Variants in KDM2B observed in about 807,000 individuals in gnomAD.
KDM2B encodes the protein lysine demethylase 2B.
A neutral mutation model predicts 150.0 loss-of-function variants in KDM2B; 26 were observed. That is an observed-to-expected ratio of 0.17 (90% CI 0.13 to 0.24). The LOEUF (loss-of-function observed/expected upper bound fraction) is 0.24. Among genes scored for constraint, KDM2B ranks in the 10% least tolerant of loss-of-function variants. The probability of loss-of-function intolerance (pLI) is 1.00; values close to 1 mark genes in which losing one functional copy is unlikely to be tolerated. For missense variants in KDM2B, 1,265 were observed against 1,816.9 expected, an observed-to-expected ratio of 0.70 and a Z score of 5.52; for synonymous variants, 734 against 729.5, an observed-to-expected ratio of 1.01 and a Z score of -0.10.
rs564181564 is a variant in KDM2B, at chr12:121,455,638, G to T, written c.1735-2294C>A. On this transcript the variant is annotated intron_variant, in intron 12 of 22. Coordinates refer to ENST00000377071, the MANE Select transcript of KDM2B (RefSeq NM_032590.5). ...GAGGATTGCTTGAGCCCAGGAATTT[G>T]AGGTGGCAGTGAGCTGTGATCATCC... Among the ~76,000 whole-genome samples the T allele has an allele frequency of 1.3e-5, 2 of 152,280 alleles. 1 individual carries two copies. The highest frequency in any genetic ancestry group is 1.3e-4 in the Admixed American group (2 of 15,298).
intron 16 of KDM2B, 97 bp from the exon 17 acceptor site, chr12:121,443,890 A>G: frequency 1.4e-6 from 2 of 1,428,138 alleles, no homozygotes; most frequent in Non-Finnish European, 9.5e-7. Flanking sequence ...TGCTCAGGGC[A>G]GCAAGAGGCC....
rs2137373835 is a variant in KDM2B at position 121,430,654 on chromosome 12, C to T, written c.3830-185G>A. 11 of 601,322 alleles carry T rather than the reference C, an allele frequency of 1.8e-5. No homozygotes were observed. In the South Asian group the frequency reaches 2.0e-4, roughly 11 times the overall value. 37.2% of individuals were successfully genotyped at this position (601,322 alleles called of 1,614,324 possible). Reference sequence around the variant, plus strand: ...CTTCTTCAAACGGGGAAGGGTCTCACCCGCCAGGTATAAAGGTTAATATAT... The same window carrying T: ...CTTCTTCAAACGGGGAAGGGTCTCATCCGCCAGGTATAAAGGTTAATATAT... On this transcript the variant is annotated intron_variant, in intron 22 of 22. Coordinates refer to ENST00000377071, the MANE Select transcript of KDM2B (RefSeq NM_032590.5). The surrounding 1 kb of genome is among the most constrained non-coding windows in gnomAD (Gnocchi z 4.4).
intron 4 of KDM2B, among the ~76,000 whole-genome samples, chr12:121,552,676 TA>T (rs5801436): frequency 2.3e-3 from 309 of 131,800 alleles, no homozygotes; most frequent in Middle Eastern, 4.0e-3. Context: ...CTGTCTTAAT[TA>T]AAAAAAAAAA....
At chr12:121,558,776 A>G (rs1890104928) in intron 4 of KDM2B, among the ~76,000 whole-genome samples, 1 of 151,920 alleles carries the variant, frequency 6.6e-6, no homozygotes, top group African/African-American at 2.4e-5. Flanking sequence ...TTTTTAGTAG[A>G]GATGGGGTTT....
intron 4 of KDM2B, among the ~76,000 whole-genome samples, chr12:121,551,881 T>C (rs567761086): frequency 1.1e-3 from 167 of 152,258 alleles, no homozygotes; most frequent in Middle Eastern, 3.4e-3. Flanking sequence ...TTGCCCAGGC[T>C]GGGAGACCAC....
chr12:121,503,977 G>A (rs917495231), intron 11 of KDM2B, among the ~76,000 whole-genome samples: 1 of 152,226 alleles, frequency 6.6e-6, no homozygotes, highest in Non-Finnish European at 1.5e-5. Flanking sequence ...GCTAAGAGCA[G>A]AAACCAAACT....
At chr12:121,579,630 C>T in intron 1 of KDM2B, 2 of 1,329,766 alleles carry the variant, frequency 1.5e-6, no homozygotes, top group Non-Finnish European at 2.0e-6. Context: ...GCCTCATCTC[C>T]CCACAAGCGC....
intron 4 of KDM2B, among the ~76,000 whole-genome samples, chr12:121,553,972 G>T (rs920203045): frequency 6.6e-6 from 1 of 151,656 alleles, no homozygotes; most frequent in East Asian, 1.9e-4. Context: ...GACAGAGCTG[G>T]AAGGAGCGCT....
At chr12:121,580,548 G>T (rs1229042168) in intron 1 of KDM2B, 2 of 1,199,694 alleles carry the variant, frequency 1.7e-6, no homozygotes. Flanking sequence ...TGCAGGCGGC[G>T]GGCGCATCCC....
At chr12:121,487,836 C>T (rs906304705) in intron 12 of KDM2B, among the ~76,000 whole-genome samples, 2 of 150,532 alleles carry the variant, frequency 1.3e-5, no homozygotes, top group Admixed American at 6.6e-5. Context: ...CCCTGTGGCA[C>T]GGTGTCGCGA....
At chr12:121,566,402 A>G (rs533010852) in intron 4 of KDM2B, among the ~76,000 whole-genome samples, 202 of 152,154 alleles carry the variant, frequency 1.3e-3, no homozygotes, top group Middle Eastern at 3.4e-3. Flanking sequence ...CAGGCAGGTC[A>G]CCTGAGGCCA....
chr12:121,449,625 A>G (rs1876885101), intron 13 of KDM2B, among the ~76,000 whole-genome samples: 1 of 152,180 alleles, frequency 6.6e-6, no homozygotes, highest in Non-Finnish European at 1.5e-5. Context: ...AGAGAAAAAG[A>G]CAGTCGCGGG....
At chr12:121,548,725 T>C (rs1311843143) in intron 6 of KDM2B, 152 bp downstream of exon 6, 5 of 631,058 alleles carry the variant, frequency 7.9e-6, no homozygotes, top group Non-Finnish European at 1.4e-5. Flanking sequence ...GTCCCAGCTG[T>C]GCCCCCACAG....
At chr12:121,465,913 TAA>T (rs1555294670) in intron 12 of KDM2B, among the ~76,000 whole-genome samples, 4 of 152,162 alleles carry the variant, frequency 2.6e-5, no homozygotes, top group African/African-American at 9.7e-5. Flanking sequence ...GCTACTGACT[TAA>T]TAAAAGTTCA....
chr12:121,488,747 G>A (rs1248620427), intron 12 of KDM2B, among the ~76,000 whole-genome samples: 2 of 151,016 alleles, frequency 1.3e-5, no homozygotes, highest in East Asian at 1.9e-4. Flanking sequence ...TCACCCTTCC[G>A]AGTAGCTGGG....
downstream of KDM2B, among the ~76,000 whole-genome samples, chr12:121,426,501 C>T (rs1282258153): frequency 4.9e-5 from 7 of 143,312 alleles, no homozygotes; most frequent in East Asian, 1.5e-3. Context: ...AGGCAGAGTA[C>T]AGTGGCATGA....
At chr12:121,503,436 G>A (rs776534903) in intron 11 of KDM2B, among the ~76,000 whole-genome samples, 9 of 152,068 alleles carry the variant, frequency 5.9e-5, no homozygotes, top group Admixed American at 3.9e-4. Context: ...GACTACAGGC[G>A]CATGCCACTA....
chr12:121,574,881 T>G (rs1282420566), intron 3 of KDM2B, among the ~76,000 whole-genome samples: 5 of 152,114 alleles, frequency 3.3e-5, no homozygotes, highest in Non-Finnish European at 7.4e-5. Flanking sequence ...AAGCTGGAAG[T>G]GTGGGGTCAA....
At chr12:121,469,280 C>A (rs1467000118) in intron 12 of KDM2B, 1 of 150,298 alleles carries the variant, frequency 6.7e-6, no homozygotes, top group African/African-American at 2.5e-5. Flanking sequence ...CCCCCCACCC[C>A]ACCCCACATC....
Sources: allele counts gnomAD v4.1 joint callset (sites outside exome capture counted in the v4.1 genomes callset), GRCh38; gene constraint gnomAD v4.1.1; non-coding constraint Gnocchi (gnomAD v3.1); transcripts MANE v1.5; gene names NCBI Gene and HGNC (gene_info 2026-07-23, HGNC 2026-07-21).